The following SPAG16 variants were observed in gnomAD, a reference collection of about 807,000 sequenced individuals.
SPAG16 encodes the protein sperm-associated antigen 16 protein.
A neutral mutation model predicts 80.4 loss-of-function variants in SPAG16; 86 were observed. The ratio of observed to expected loss-of-function variants is 1.07; its 90% CI spans 0.90 to 1.28. SPAG16 has a LOEUF of 1.28. Among genes scored for constraint, SPAG16 ranks in the 50% most tolerant of loss-of-function variants. SPAG16 has a pLI of 0.00. For synonymous variants in SPAG16, 294 were observed against 265.9 expected (o/e 1.11, Z -1.03); for missense variants, 870 against 765.3 (o/e 1.14, Z -1.61).
intron 11 of SPAG16, among the ~76,000 whole-genome samples, chr2:213,929,646 T>A (rs2078660437): frequency 6.6e-6 from 1 of 152,216 alleles, no homozygotes; most frequent in African/African-American, 2.4e-5. Flanking sequence ...GAGCCTAATA[T>A]ATACAACGCT....
At chr2:214,083,213 TAGA>T (rs879849945) in intron 13 of SPAG16, among the ~76,000 whole-genome samples, 1 of 152,152 alleles carries the variant, frequency 6.6e-6, no homozygotes, top group African/African-American at 2.4e-5. Flanking sequence ...ATGAAAGTTT[TAGA>T]AGAATACTTG....
intron 9 of SPAG16, among the ~76,000 whole-genome samples, chr2:213,377,392 C>A (rs2066929928): frequency 6.6e-6 from 1 of 152,178 alleles, no homozygotes; most frequent in Non-Finnish European, 1.5e-5. Context: ...TCAACCCTTA[C>A]CCTAGGGTGA....
chr2:213,972,721 GTCTT>G (rs2045142030), intron 12 of SPAG16, among the ~76,000 whole-genome samples: 1 of 152,080 alleles, frequency 6.6e-6, no homozygotes, highest in Non-Finnish European at 1.5e-5. Context: ...CCATCACAGA[GTCTT>G]TTATTTACTT....
intron 13 of SPAG16, among the ~76,000 whole-genome samples, chr2:214,032,331 T>C (rs2048456787): frequency 6.6e-6 from 1 of 152,228 alleles, no homozygotes; most frequent in Admixed American, 6.5e-5. Flanking sequence ...GGTCTCACTG[T>C]GACCAGCATT....
chr2:214,163,059 G>A (rs2125608049), intron 15 of SPAG16, among the ~76,000 whole-genome samples: 1 of 152,064 alleles, frequency 6.6e-6, no homozygotes, highest in South Asian at 2.1e-4. Flanking sequence ...CTCAGTTTCT[G>A]ACATGCATAT....
chr2:214,141,176 A>G (rs1048400269), intron 14 of SPAG16, among the ~76,000 whole-genome samples: 1 of 152,140 alleles, frequency 6.6e-6, no homozygotes, highest in Admixed American at 6.6e-5. Flanking sequence ...ATTAAAAATT[A>G]CTGAATTTTT....
chr2:214,206,282 A>T (rs1387633698), intron 15 of SPAG16, among the ~76,000 whole-genome samples: 1 of 151,230 alleles, frequency 6.6e-6, no homozygotes, highest in Non-Finnish European at 1.5e-5. Flanking sequence ...TCTTTCTCCC[A>T]CTCTTTCTCC....
chr2:214,067,547 T>C (rs2050587851), intron 13 of SPAG16, among the ~76,000 whole-genome samples: 1 of 151,988 alleles, frequency 6.6e-6, no homozygotes, highest in South Asian at 2.1e-4. Flanking sequence ...GAGGTATTAC[T>C]ATTGCGTACA....
At chr2:213,594,596 A>T (rs2060822793) in intron 10 of SPAG16, among the ~76,000 whole-genome samples, 1 of 152,028 alleles carries the variant, frequency 6.6e-6, no homozygotes, top group African/African-American at 2.4e-5. Context: ...GCCCCCTGAA[A>T]ATTTCCCATT....
rs553272802 is a variant in SPAG16 at position 213,319,699 on chromosome 2, T to G, written c.536+2343T>G. 1.1e-4 allele frequency among the ~76,000 whole-genome samples: 16 copies of G among 152,074 alleles called. No individual in the cohort carries two copies. In the South Asian group the frequency reaches 3.3e-3, roughly 32 times the overall value. ...TTGAGTTTGCTAATTTTCTTTTAAATAGATCAAAGCAGCCTCTTTATGCCA... is the reference window on the plus strand; with the variant it reads ...TTGAGTTTGCTAATTTTCTTTTAAAGAGATCAAAGCAGCCTCTTTATGCCA... On this transcript the variant is annotated intron_variant, in intron 5 of 15. Coordinates refer to ENST00000331683, the MANE Select transcript of SPAG16 (RefSeq NM_024532.5).
At chr2:213,993,353 A>T (rs2046370538) in intron 12 of SPAG16, among the ~76,000 whole-genome samples, 1 of 152,224 alleles carries the variant, frequency 6.6e-6, no homozygotes, top group Non-Finnish European at 1.5e-5. Flanking sequence ...TACAGGATTG[A>T]ATGTAATGGC....
intron 13 of SPAG16, among the ~76,000 whole-genome samples, chr2:214,044,827 T>G (rs2049225771): frequency 1.3e-5 from 2 of 152,166 alleles, no homozygotes; most frequent in African/African-American, 4.8e-5. Context: ...TATCTGCCCT[T>G]GGAGGAAGTG....
intron 15 of SPAG16, among the ~76,000 whole-genome samples, chr2:214,271,484 T>C (rs576736832): frequency 6.6e-6 from 1 of 152,252 alleles, no homozygotes; most frequent in East Asian, 1.9e-4. Context: ...AATTATGACT[T>C]CAAACAATAT....
At chr2:214,178,321 A>G (rs2057196704) in intron 15 of SPAG16, among the ~76,000 whole-genome samples, 1 of 151,074 alleles carries the variant, frequency 6.6e-6, no homozygotes, top group Non-Finnish European at 1.5e-5. Context: ...TGGTTGCTAT[A>G]TTATGTAGTT....
chr2:213,838,894 A>G (rs4673763), intron 10 of SPAG16, among the ~76,000 whole-genome samples: 93,587 of 152,122 alleles, frequency 0.62, 30,120 homozygotes, highest in East Asian at 0.85. Flanking sequence ...CAGAAGCATG[A>G]ATAACTCCAT....
chr2:213,997,100 A>G (rs1200299119), intron 12 of SPAG16, among the ~76,000 whole-genome samples: 1 of 152,190 alleles, frequency 6.6e-6, no homozygotes, highest in African/African-American at 2.4e-5. Context: ...TTTAGGGACT[A>G]CATATGCTGA....
intron 10 of SPAG16, among the ~76,000 whole-genome samples, chr2:213,703,103 T>C (rs1258650292): frequency 2.0e-5 from 3 of 152,192 alleles, no homozygotes; most frequent in Non-Finnish European, 2.9e-5. Context: ...ATTCTCTTTT[T>C]CCCTCTCCTG....
Position 213,949,180 on chromosome 2 carries a change from T to TTGTTTTG in SPAG16, c.1400+19036_1400+19037insGTTTTGT, listed in dbSNP as rs1220774377. Among the ~76,000 whole-genome samples the TTGTTTTG allele has an allele frequency of 3.3e-4, 6 of 18,346 alleles. 1 individual carries two copies. Among genetic ancestry groups the TTGTTTTG allele is most frequent in the Non-Finnish European group, 1.0e-3 (6 of 6,028 alleles). The allele number at this position is 18,346 out of a possible 152,430, so 12.0% of individuals were successfully genotyped here. ...ACTTAATTACAACAGTTTTTTTTTT[T>TTGTTTTG]TTTTTTTTTTTTTGAGGTAGAGTCT... On this transcript the variant is annotated intron_variant, in intron 12 of 15. Transcript: ENST00000331683.
chr2:214,040,322 A>C (rs2048939452), intron 13 of SPAG16, among the ~76,000 whole-genome samples: 1 of 152,106 alleles, frequency 6.6e-6, no homozygotes, highest in Admixed American at 6.6e-5. Context: ...TTTTAAGTTC[A>C]GGGGTGTAAG....
Sources: gnomAD v4.1 joint callset for allele counts (sites outside exome capture counted in the v4.1 genomes callset) on GRCh38, gnomAD v4.1.1 for gene constraint, MANE v1.5 for transcripts, NCBI Gene and HGNC (gene_info 2026-07-23, HGNC 2026-07-21) for gene names.